Variants in TMEM204 observed in about 807,000 individuals in gnomAD.
TMEM204 encodes claudin-like protein 24.
Under a neutral mutation model 19.4 loss-of-function variants are expected in TMEM204, and 15 were observed. The ratio of observed to expected loss-of-function variants is 0.77; its 90% confidence interval spans 0.52 to 1.19. The LOEUF (loss-of-function observed/expected upper bound fraction) is 1.19, where lower values mean the gene tolerates loss of function less well. Among genes scored for constraint, TMEM204 ranks in the 50% most tolerant of loss-of-function variants. TMEM204 has a pLI of 0.00. For missense variants in TMEM204, 287 were observed against 321.2 expected (o/e 0.89, Z 0.81); for synonymous variants, 161 against 146.0 (o/e 1.10, Z -0.74).
chr16:1,540,186 G>A (rs2031496800), intron 1 of TMEM204, among the ~76,000 whole-genome samples: 1 of 152,342 alleles, frequency 6.6e-6, no homozygotes, highest in Admixed American at 6.5e-5. Flanking sequence ...GTGAGCGCTG[G>A]AGCAGCACCC....
At position 1,553,790 on chromosome 16, in the gene TMEM204, T is replaced by G; in HGVS notation, c.437-992T>G. On this transcript the variant is annotated intron_variant, in intron 2 of 2. Coordinates refer to ENST00000566264, the MANE Select transcript of TMEM204 (RefSeq NM_024600.6). The surrounding 1 kb of genome is among the most constrained non-coding windows in gnomAD (Gnocchi z 4.4). ...CATGTGGACAGCCTCTCCTCCATCCTAGAGCCTATGTTTCCAGCTGGATTA... is the reference window on the plus strand; with the variant it reads ...CATGTGGACAGCCTCTCCTCCATCCGAGAGCCTATGTTTCCAGCTGGATTA... 7.5e-6 allele frequency: 9 copies of G among 1,196,782 alleles called. No homozygotes were observed. Among genetic ancestry groups the G allele is most frequent in the Non-Finnish European group, 9.5e-6 (9 of 946,358 alleles). The allele number at this position is 1,196,782 out of a possible 1,614,324, so 74.1% of individuals were successfully genotyped here.
At chr16:1,547,563 G>T (rs549802211) in intron 2 of TMEM204, among the ~76,000 whole-genome samples, 82 of 152,208 alleles carry the variant, frequency 5.4e-4, no homozygotes, top group Non-Finnish European at 9.3e-4. Flanking sequence ...TCGAGATAGG[G>T]TCTCACTCCG....
intron 2 of TMEM204, chr16:1,554,216 T>C (rs2032906570): frequency 9.9e-7 from 1 of 1,012,214 alleles, no homozygotes; most frequent in Non-Finnish European, 1.3e-6. Context: ...CCATCTGGAG[T>C]TCCCAAAGCA....
At chr16:1,541,743 C>T (rs2031659936) in intron 1 of TMEM204, among the ~76,000 whole-genome samples, 178 bp from the exon 2 acceptor site, 1 of 151,962 alleles carries the variant, frequency 6.6e-6, no homozygotes, top group Non-Finnish European at 1.5e-5. Flanking sequence ...GGACCCAGGG[C>T]TTGCAGGCAG....
intron 1 of TMEM204, 119 bp from the exon 2 acceptor site, chr16:1,541,802 A>C: frequency 1.6e-6 from 2 of 1,271,320 alleles, no homozygotes; most frequent in Non-Finnish European, 2.1e-6. Flanking sequence ...CAATGGAGGC[A>C]CAGCCTGTGC....
upstream of TMEM204, chr16:1,533,658 A>G (rs2030746771): frequency 1.3e-5 from 2 of 152,368 alleles, no homozygotes; most frequent in Non-Finnish European, 2.9e-5. The surrounding 1 kb of genome is among the most constrained non-coding windows in gnomAD (Gnocchi z 4.7). Flanking sequence ...AACAGTCTCA[A>G]AAACAACCAT....
chr16:1,532,141 C>T (rs2030561413), upstream of TMEM204: 1 of 152,226 alleles, frequency 6.6e-6, no homozygotes, highest in Admixed American at 6.5e-5. Context: ...CTGGGGACAT[C>T]CCCCCAGGGC....
At chr16:1,540,417 C>A (rs2031520938) in intron 1 of TMEM204, among the ~76,000 whole-genome samples, 1 of 152,236 alleles carries the variant, frequency 6.6e-6, no homozygotes, top group Non-Finnish European at 1.5e-5. Flanking sequence ...GCGTGCCTGC[C>A]CCGTGCACGC....
In TMEM204 at chr16:1,555,101, C is replaced by G. The variant is rs909797326; in HGVS notation, c.*75C>G. ...CCTAGAAACCAAGGGACTCCACCAC[C>G]AAGTCACTTCCCCTGCTCGTGCAGA... is the stretch of plus-strand genomic sequence containing the variant. On this transcript the variant is annotated 3_prime_UTR_variant, in exon 3 of 3. Transcript: ENST00000566264. The G allele has an allele frequency of 3.0e-5, 46 of 1,521,458 alleles. No homozygotes were observed. The highest frequency in any genetic ancestry group is 4.0e-5 in the Non-Finnish European group (45 of 1,135,642). The allele number at this position is 1,521,458 out of a possible 1,614,324, so 94.2% of individuals were successfully genotyped here.
intron 1 of TMEM204, among the ~76,000 whole-genome samples, chr16:1,536,845 C>G (rs2031122543): frequency 6.6e-6 from 1 of 152,254 alleles, no homozygotes; most frequent in African/African-American, 2.4e-5. Flanking sequence ...TCCACAGCAA[C>G]ATTCGCTGCC....
At chr16:1,552,610 A>G (rs1226546818) in intron 2 of TMEM204, among the ~76,000 whole-genome samples, 1 of 151,858 alleles carries the variant, frequency 6.6e-6, no homozygotes, top group Non-Finnish European at 1.5e-5. Context: ...TAGAAATGCC[A>G]GAAGTTTCCT....
chr16:1,541,103 CTCCATCTGCCCCTGACCACGCA>C, intron 1 of TMEM204: 1 of 985,444 alleles, frequency 1.0e-6, no homozygotes, highest in South Asian at 4.7e-5. Context: ...TCACAGAAGG[CTCCATCTGCCCCTGACCACGCA>C]TCCATGTGCC....
intron 2 of TMEM204, among the ~76,000 whole-genome samples, 188 bp from the exon 3 acceptor site, chr16:1,554,594 C>T (rs553519945): frequency 6.6e-6 from 1 of 152,302 alleles, no homozygotes; most frequent in African/African-American, 2.4e-5. Context: ...GGCAGCCGCC[C>T]CGTAAAGCAG....
At chr16:1,529,151 G>C (rs531809818), upstream of TMEM204, among the ~76,000 whole-genome samples, 1 of 152,158 alleles carries the variant, frequency 6.6e-6, no homozygotes, top group African/African-American at 2.4e-5. Flanking sequence ...ACATGTACTC[G>C]GGTGAATTCC....
chr16:1,544,232 G>A (rs1486149840), intron 2 of TMEM204, among the ~76,000 whole-genome samples: 2 of 150,836 alleles, frequency 1.3e-5, no homozygotes, highest in Admixed American at 1.3e-4. Context: ...CACCCAGGCT[G>A]GAGTGCCGTG....
intron 2 of TMEM204, among the ~76,000 whole-genome samples, chr16:1,550,474 C>T (rs777945202): frequency 1.3e-5 from 2 of 152,222 alleles, no homozygotes; most frequent in Non-Finnish European, 2.9e-5. Flanking sequence ...AAATAAATAA[C>T]AATAAAACAA....
At chr16:1,535,283 C>G (rs1468967031) in intron 1 of TMEM204, among the ~76,000 whole-genome samples, 1 of 151,980 alleles carries the variant, frequency 6.6e-6, no homozygotes, top group Non-Finnish European at 1.5e-5. Flanking sequence ...GGAAGGGGCT[C>G]AGAATGATGC....
At position 1,538,354 on chromosome 16, in the gene TMEM204, G is replaced by A. The variant is rs2031289562; in HGVS notation, c.281-3567G>A. 2.0e-5 allele frequency among the ~76,000 whole-genome samples: 3 copies of A among 152,210 alleles called. No individual in the cohort carries two copies. In the South Asian group the frequency reaches 6.2e-4, roughly 32 times the overall value. ...GAGAGGCCAGGGCTGAGGGCGAGAG[G>A]ACAGGTCAGGGGTGCGTCTGCTTAT... On this transcript the variant is annotated intron_variant, in intron 1 of 2. Transcript: ENST00000566264.
chr16:1,534,177 G>A lies in TMEM204; in HGVS notation c.-99G>A, dbSNP rs1663151295. ...CGCCGCCCCGAGGATGAGTGGTGAT[G>A]TCCTCTAGCCACCCCTAGCAGCGTC... On this transcript the variant is annotated 5_prime_UTR_variant, in exon 1 of 3. It removes an upstream start codon present in the reference 5' UTR. Transcript: ENST00000566264. 2.7e-6 allele frequency: 4 copies of A among 1,493,790 alleles called. No individual in the cohort carries two copies. Among genetic ancestry groups the A allele is most frequent in the South Asian group, 1.2e-5 (1 of 81,508 alleles). 92.5% of individuals were successfully genotyped at this position (1,493,790 alleles called of 1,614,324 possible).
Sources: allele counts gnomAD v4.1 joint callset (sites outside exome capture counted in the v4.1 genomes callset), GRCh38; gene constraint gnomAD v4.1.1; non-coding constraint Gnocchi (gnomAD v3.1); transcripts MANE v1.5; gene names NCBI Gene and HGNC (gene_info 2026-07-23, HGNC 2026-07-21).